Variants in EPHA3 observed in about 807,000 individuals in gnomAD.
EPHA3 encodes the protein EPH receptor A3, also known as ephrin type-A receptor 3.
A neutral mutation model predicts 107.1 loss-of-function variants in EPHA3; 42 were observed. That is an observed-to-expected ratio of 0.39 (90% CI 0.31 to 0.51). The LOEUF (loss-of-function observed/expected upper bound fraction) is 0.51, where lower values mean the gene tolerates loss of function less well. EPHA3 is among the 20% of genes least tolerant of loss of function. EPHA3 has a pLI of 0.78. For missense variants in EPHA3, 1,183 were observed against 1,211.2 expected, an observed-to-expected ratio of 0.98 and a Z score of 0.35; for synonymous variants, 461 against 424.8, an observed-to-expected ratio of 1.09 and a Z score of -1.05.
intron 3 of EPHA3, among the ~76,000 whole-genome samples, chr3:89,219,686 A>ATTTTT (rs1704304456): frequency 1.3e-4 from 5 of 38,854 alleles, no homozygotes; most frequent in Non-Finnish European, 1.9e-4. Context: ...GCATTTGGCA[A>ATTTTT]TGTTTTTTTT....
intron 2 of EPHA3, among the ~76,000 whole-genome samples, chr3:89,195,548 G>C (rs74433351): frequency 0.013 from 1,983 of 152,226 alleles, 11 homozygotes; most frequent in Non-Finnish European, 0.021. Flanking sequence ...TAAAACCTCA[G>C]AGTCATTTTC....
At chr3:89,351,759 ATAC>A (rs1426363565) in intron 5 of EPHA3, among the ~76,000 whole-genome samples, 2 of 151,324 alleles carry the variant, frequency 1.3e-5, no homozygotes, top group Non-Finnish European at 3.0e-5. Flanking sequence ...TCATCTGAAG[ATAC>A]TAGTCAACTT....
At chr3:89,228,739 A>T (rs1041155680) in intron 3 of EPHA3, among the ~76,000 whole-genome samples, 1 of 151,888 alleles carries the variant, frequency 6.6e-6, no homozygotes, top group African/African-American at 2.4e-5. Context: ...CATACCAGAG[A>T]AGTATGTAAG....
chr3:89,457,480 C>G lies in EPHA3; in HGVS notation c.2690+7110C>G, dbSNP rs147142248. Among the ~76,000 whole-genome samples, 460 of 152,238 alleles carry G rather than the reference C, an allele frequency of 3.0e-3. 1 individual carries two copies. The highest frequency in any genetic ancestry group is 5.1e-3 in the Non-Finnish European group (345 of 68,022). On this transcript the variant is annotated intron_variant, in intron 15 of 16. Transcript: ENST00000336596. ...GCACACACGAGGAGTCTAGGTTATG[C>G]GCTCCTCATGATAATCTAATGCCTG...
chr3:89,280,221 A>G (rs1451842017), intron 3 of EPHA3, among the ~76,000 whole-genome samples: 1 of 152,202 alleles, frequency 6.6e-6, no homozygotes, highest in African/African-American at 2.4e-5. Flanking sequence ...ACTTTTGAAT[A>G]CCATTTCATA....
At chr3:89,172,360 G>T (rs1705230180) in intron 2 of EPHA3, among the ~76,000 whole-genome samples, 1 of 152,156 alleles carries the variant, frequency 6.6e-6, no homozygotes, top group African/African-American at 2.4e-5. Flanking sequence ...GGGCTGTTTG[G>T]GATGGGGGAA....
At chr3:89,333,584 T>G (rs1275127577) in intron 3 of EPHA3, among the ~76,000 whole-genome samples, 1 of 152,126 alleles carries the variant, frequency 6.6e-6, no homozygotes, top group Non-Finnish European at 1.5e-5. Context: ...AAATAAAACC[T>G]AACTGCAGGC....
intron 4 of EPHA3, among the ~76,000 whole-genome samples, chr3:89,341,360 G>A (rs892650330): frequency 6.6e-6 from 1 of 152,168 alleles, no homozygotes; most frequent in Non-Finnish European, 1.5e-5. Flanking sequence ...GATAGGGGAG[G>A]TTATAGACAG....
intron 2 of EPHA3, among the ~76,000 whole-genome samples, chr3:89,209,183 G>T (rs1326046114): frequency 6.6e-6 from 1 of 152,172 alleles, no homozygotes; most frequent in African/African-American, 2.4e-5. Context: ...ACTAAGAAAA[G>T]ATCCAATGTG....
intron 15 of EPHA3, among the ~76,000 whole-genome samples, chr3:89,453,220 A>G (rs1203005062): frequency 6.6e-6 from 1 of 152,116 alleles, no homozygotes; most frequent in Non-Finnish European, 1.5e-5. Context: ...CACAGAAAAA[A>G]AAAGACTTTA....
chr3:89,176,950 C>A (rs908887416), intron 2 of EPHA3, among the ~76,000 whole-genome samples: 2 of 152,016 alleles, frequency 1.3e-5, no homozygotes, highest in African/African-American at 4.8e-5. Context: ...ATACCAAATA[C>A]AAAAACACAG....
At chr3:89,372,606 A>T (rs1402097650) in intron 5 of EPHA3, among the ~76,000 whole-genome samples, 1 of 151,774 alleles carries the variant, frequency 6.6e-6, no homozygotes, top group Non-Finnish European at 1.5e-5. Context: ...CAAAAGAGAA[A>T]ATTAACAAGT....
Position 89,155,133 on chromosome 3 carries a change from G to C in EPHA3, c.153+27860G>C, listed in dbSNP as rs372508869. 5.9e-5 allele frequency among the ~76,000 whole-genome samples: 9 copies of C among 151,602 alleles called. No homozygotes were observed. The East Asian group carries it at 1.4e-3, about 23-fold the overall frequency. On this transcript the variant is annotated intron_variant, in intron 2 of 16. Coordinates refer to ENST00000336596, the MANE Select transcript of EPHA3 (RefSeq NM_005233.6). ...ATATGTCATAATCCCCAGGATGAAG[G>C]CATTATGGAGTTAATAGACTCAGAA...
intron 5 of EPHA3, among the ~76,000 whole-genome samples, chr3:89,371,338 A>G (rs1034840773): frequency 6.6e-6 from 1 of 151,514 alleles, no homozygotes; most frequent in African/African-American, 2.4e-5. Flanking sequence ...CTGGAAGATT[A>G]CTCTCTTTAC....
intron 1 of EPHA3, among the ~76,000 whole-genome samples, chr3:89,112,106 C>T (rs769549285): frequency 6.6e-6 from 1 of 151,936 alleles, no homozygotes; most frequent in Admixed American, 6.6e-5. Context: ...AATAAAACAC[C>T]ATTGCCACGT....
chr3:89,340,540 G>C (rs1449779858), intron 3 of EPHA3, among the ~76,000 whole-genome samples: 1 of 152,198 alleles, frequency 6.6e-6, no homozygotes, highest in African/African-American at 2.4e-5. Context: ...GCTTGCTGCA[G>C]TGCAGATAGT....
chr3:89,283,914 G>A (rs541617576), intron 3 of EPHA3, among the ~76,000 whole-genome samples: 1 of 151,954 alleles, frequency 6.6e-6, no homozygotes, highest in African/African-American at 2.4e-5. Context: ...TCCATATCAG[G>A]TTTATAATCA....
At position 89,479,516 on chromosome 3, in the gene EPHA3, A is replaced by G. The variant is rs1196311109; in HGVS notation, c.*14A>G. ...GTTCCCGTGTAAAGCACGGGACGGAAGTGCTTCTGGACGGAAGTGGTGGCT... is the reference window on the plus strand; with the variant it reads ...GTTCCCGTGTAAAGCACGGGACGGAGGTGCTTCTGGACGGAAGTGGTGGCT... On this transcript the variant is annotated 3_prime_UTR_variant, in exon 17 of 17. Coordinates refer to ENST00000336596, the MANE Select transcript of EPHA3 (RefSeq NM_005233.6). The G allele has an allele frequency of 3.1e-6, 5 of 1,599,450 alleles. No homozygotes were observed. Among genetic ancestry groups the G allele is most frequent in the Non-Finnish European group, 4.3e-6 (5 of 1,166,784 alleles).
At position 89,383,308 on chromosome 3, in the gene EPHA3, C is replaced by A. The variant is rs191231258; in HGVS notation, c.1307-12529C>A. On this transcript the variant is annotated intron_variant, in intron 5 of 16. Transcript: ENST00000336596. ...CCTATGCTTGGGCACAGCACATGAG[C>A]CAAACAACCCAAGAATAGCCTTTCC... 5.9e-3 allele frequency among the ~76,000 whole-genome samples: 894 copies of A among 152,278 alleles called. 9 individuals are homozygous for A. The highest frequency in any genetic ancestry group is 8.0e-3 in the Non-Finnish European group (543 of 68,016).
Sources: gnomAD v4.1 joint callset for allele counts (sites outside exome capture counted in the v4.1 genomes callset) on GRCh38, gnomAD v4.1.1 for gene constraint, MANE v1.5 for transcripts, NCBI Gene and HGNC (gene_info 2026-07-23, HGNC 2026-07-21) for gene names.